The following LRP5 variants were observed in gnomAD, a reference collection of about 807,000 sequenced individuals.
LRP5 encodes the protein low-density lipoprotein receptor-related protein 5.
In LRP5, 62 loss-of-function variants were observed where a neutral mutation model predicts 154.1. The ratio of observed to expected loss-of-function variants is 0.40; its 90% confidence interval spans 0.33 to 0.50. The LOEUF is 0.50. Among genes scored for constraint, LRP5 ranks in the 20% least tolerant of loss-of-function variants. LRP5 has a pLI of 0.55. For missense variants in LRP5, 1,915 were observed against 2,336.7 expected (o/e 0.82, Z 3.72); for synonymous variants, 966 against 1,011.5 (o/e 0.96, Z 0.85).
At chr11:68,311,150 G>C (rs892519861), upstream of LRP5, among the ~76,000 whole-genome samples, 4 of 152,182 alleles carry the variant, frequency 2.6e-5, no homozygotes, top group African/African-American at 9.7e-5. Context: ...GGCTGTGCTG[G>C]TAGAGCTGGA....
At chr11:68,329,913 A>C (rs1219418197) in intron 1 of LRP5, among the ~76,000 whole-genome samples, 1 of 152,238 alleles carries the variant, frequency 6.6e-6, no homozygotes, top group Non-Finnish European at 1.5e-5. Flanking sequence ...ATTTTGTTGA[A>C]AATAAGAATG....
At chr11:68,373,396 G>GA (rs1426986204) in intron 5 of LRP5, among the ~76,000 whole-genome samples, 1 of 152,040 alleles carries the variant, frequency 6.6e-6, no homozygotes, top group Admixed American at 6.5e-5. Context: ...TGGCGGGGGG[G>GA]GCCCCGCACT....
At chr11:68,409,666 G>A in intron 9 of LRP5, among the ~76,000 whole-genome samples, 1 of 151,964 alleles carries the variant, frequency 6.6e-6, no homozygotes, top group East Asian at 1.9e-4. Flanking sequence ...TGCCAGCTTG[G>A]TGAAACCCCA....
chr11:68,439,745 C>T (rs2098677085), intron 20 of LRP5, 32 bp from the exon 21 acceptor site: 1 of 1,602,186 alleles, frequency 6.2e-7, no homozygotes, highest in Non-Finnish European at 8.5e-7. Flanking sequence ...AGCCTGGAAG[C>T]CACCTGACCT....
At chr11:68,411,764 G>A in intron 11 of LRP5, 144 bp downstream of exon 11, 2 of 849,286 alleles carry the variant, frequency 2.4e-6, no homozygotes, top group East Asian at 2.7e-5. Flanking sequence ...CTGCCCAGCA[G>A]CCTCACCCTC....
At chr11:68,433,866 C>T (rs1378623581) in intron 18 of LRP5, 28 bp downstream of exon 18, 1 of 1,598,832 alleles carries the variant, frequency 6.3e-7, no homozygotes, top group African/African-American at 1.3e-5. Context: ...AAGGCTCTGC[C>T]AAGACCCTGG....
chr11:68,350,954 G>A (rs553757298), intron 2 of LRP5, among the ~76,000 whole-genome samples: 2 of 152,260 alleles, frequency 1.3e-5, no homozygotes, highest in East Asian at 1.9e-4. Context: ...GTGTGTGTCC[G>A]TGTGTGTGCA....
In LRP5 at chr11:68,423,657, C is replaced by A. The variant is rs201285828; in HGVS notation, c.3196C>A (p.Arg1066Ser). 1 of 1,613,802 alleles carries A rather than the reference C, an allele frequency of 6.2e-7. No individual in the cohort carries two copies. The highest frequency in any genetic ancestry group is 8.5e-7 in the Non-Finnish European group (1 of 1,179,982). The change falls in exon 14 of 23, where the codon CGC becomes AGC. Residue 1066 changes from arginine (R) to serine (S), a missense_variant. Physicochemically the swap from Arg to Ser is moderately radical, Grantham distance 110. Coordinates refer to ENST00000294304, the MANE Select transcript of LRP5 (RefSeq NM_002335.4). The surrounding 1 kb of genome is among the most constrained non-coding windows in gnomAD (Gnocchi z 4.7). ...EAMGVVLRGD[R>S]DKPRAIVVNA... ...CATGGGGGTGGTGCTGCGTGGGGAC[C>A]GCGACAAGCCCAGGGCCATCGTCGT... is the stretch of plus-strand genomic sequence containing the variant.
intron 5 of LRP5, among the ~76,000 whole-genome samples, chr11:68,385,488 C>G (rs1430843426): frequency 1.3e-5 from 2 of 152,156 alleles, no homozygotes; most frequent in Non-Finnish European, 2.9e-5. Flanking sequence ...GATGGCCCAG[C>G]TGTGTGGAGG....
At chr11:68,435,305 G>A (rs1472179104) in intron 18 of LRP5, among the ~76,000 whole-genome samples, 1 of 152,226 alleles carries the variant, frequency 6.6e-6, no homozygotes, top group Non-Finnish European at 1.5e-5. Context: ...TGCTATGAAG[G>A]AGCACCTGAG....
chr11:68,411,285 G>A, intron 10 of LRP5, 151 bp from the exon 11 acceptor site: 1 of 762,320 alleles, frequency 1.3e-6, no homozygotes, highest in Non-Finnish European at 2.2e-6. Flanking sequence ...GGGGTCGAGG[G>A]TCTCGCCCTT....
intron 17 of LRP5, among the ~76,000 whole-genome samples, chr11:68,430,138 T>A (rs1472662895): frequency 6.6e-6 from 1 of 152,086 alleles, no homozygotes; most frequent in Non-Finnish European, 1.5e-5. Context: ...GGTGTTTTTG[T>A]TGTTATTGTT....
chr11:68,411,094 G>T (rs183876980), intron 10 of LRP5, among the ~76,000 whole-genome samples: 271 of 152,250 alleles, frequency 1.8e-3, no homozygotes, highest in African/African-American at 6.0e-3. Context: ...TGTCCATCCT[G>T]GTTTCTGCCG....
In LRP5 at chr11:68,438,476, C is replaced by G; in HGVS notation, c.4142C>G (p.Pro1381Arg). 1 of 1,614,190 alleles carries G rather than the reference C, an allele frequency of 6.2e-7. No individual in the cohort carries two copies. Among genetic ancestry groups the G allele is most frequent in the Non-Finnish European group, 8.5e-7 (1 of 1,180,040 alleles). ...EITKPPSDDS[P>R]AHSSAIGPVI... is the part of the protein sequence containing the mutation. ...ACCAAGCCGCCCTCAGACGACAGCCCGGCCCACAGCAGTGCCATCGGGCCC... is the reference window on the plus strand; with the variant it reads ...ACCAAGCCGCCCTCAGACGACAGCCGGGCCCACAGCAGTGCCATCGGGCCC... Residue 1381 changes from proline (P) to arginine (R), a missense_variant, in exon 20 of 23, where the codon CCG (proline) becomes CGG (arginine). Physicochemically the swap from Pro to Arg is moderately radical, Grantham distance 103. This residue lies in a region of LRP5 where 1,094 missense variants were observed against 1,210.1 expected (regional missense o/e 0.90). Transcript: ENST00000294304.
At chr11:68,320,238 A>G (rs750944988) in intron 1 of LRP5, among the ~76,000 whole-genome samples, 1 of 152,216 alleles carries the variant, frequency 6.6e-6, no homozygotes, top group Non-Finnish European at 1.5e-5. Context: ...GCAAGCATCT[A>G]CGAGAACACA....
chr11:68,375,214 C>T (rs2098636696), intron 5 of LRP5, among the ~76,000 whole-genome samples: 1 of 152,228 alleles, frequency 6.6e-6, no homozygotes, highest in Admixed American at 6.5e-5. Context: ...CCCTGTGCCT[C>T]TGCTCTCCCT....
intron 1 of LRP5, among the ~76,000 whole-genome samples, chr11:68,321,801 C>T (rs2098596907): frequency 6.6e-6 from 1 of 152,180 alleles, no homozygotes; most frequent in South Asian, 2.1e-4. Flanking sequence ...GGGATGTACC[C>T]CTGTATTAGT....
At chr11:68,434,834 T>C (rs189138021) in intron 18 of LRP5, among the ~76,000 whole-genome samples, 66 of 152,320 alleles carry the variant, frequency 4.3e-4, no homozygotes, top group African/African-American at 1.6e-3. Context: ...GCCACTGTCC[T>C]ACGTCCTCAT....
chr11:68,438,363 C>A, intron 19 of LRP5, 83 bp from the exon 20 acceptor site: 1 of 1,304,616 alleles, frequency 7.7e-7, no homozygotes, highest in Non-Finnish European at 1.1e-6. Flanking sequence ...CCAGCCCCTT[C>A]AGGGCGCACG....
Sources: allele counts gnomAD v4.1 joint callset (sites outside exome capture counted in the v4.1 genomes callset), GRCh38; gene constraint gnomAD v4.1.1; regional missense constraint gnomAD v4.1.1; non-coding constraint Gnocchi (gnomAD v3.1); transcripts MANE v1.5; gene names NCBI Gene and HGNC (gene_info 2026-07-23, HGNC 2026-07-21).